RIMBP2: variants seen among roughly 807,000 people sequenced by gnomAD.
RIMBP2 encodes RIMS-binding protein 2.
A neutral mutation model predicts 118.6 loss-of-function variants in RIMBP2; 48 were observed. The ratio of observed to expected loss-of-function variants is 0.40; its 90% CI spans 0.32 to 0.51. The LOEUF is 0.51. Among genes scored for constraint, RIMBP2 ranks in the 20% least tolerant of loss-of-function variants. RIMBP2 has a pLI of 0.41. For missense variants in RIMBP2, 1,551 were observed against 1,768.3 expected (o/e 0.88, Z 2.20); for synonymous variants, 762 against 742.9 (o/e 1.03, Z -0.42).
intron 4 of RIMBP2, among the ~76,000 whole-genome samples, chr12:130,490,699 C>G (rs2048557667): frequency 6.6e-6 from 1 of 152,184 alleles, no homozygotes. Context: ...CAACCTTATT[C>G]AAGGAAAATA....
chr12:130,488,895 T>G lies in RIMBP2; in HGVS notation c.-3-9879A>C, dbSNP rs1277209419. Among the ~76,000 whole-genome samples, 2 of 152,174 alleles carry G rather than the reference T, an allele frequency of 1.3e-5. 1 individual carries two copies. Among genetic ancestry groups the G allele is most frequent in the Non-Finnish European group, 2.9e-5 (2 of 68,038 alleles). On this transcript the variant is annotated intron_variant, in intron 4 of 22. Transcript: ENST00000690449. Reference sequence around the variant, plus strand: ...TCCCTTCTAATCTGCAGAAATATATTGCTTCACCAGAGGCAGACAAATTAG... The same window carrying G: ...TCCCTTCTAATCTGCAGAAATATATGGCTTCACCAGAGGCAGACAAATTAG...
chr12:130,478,149 G>C (rs893425326), intron 5 of RIMBP2, among the ~76,000 whole-genome samples: 6 of 152,196 alleles, frequency 3.9e-5, no homozygotes, highest in African/African-American at 7.2e-5. Flanking sequence ...AGGTGCCCAG[G>C]AGGTAAAAAT....
intron 3 of RIMBP2, among the ~76,000 whole-genome samples, chr12:130,514,581 G>C (rs1336745692): frequency 2.0e-5 from 3 of 152,192 alleles, no homozygotes; most frequent in Non-Finnish European, 4.4e-5. Context: ...GTGTACACAT[G>C]CAGCTATTTT....
intron 1 of RIMBP2, among the ~76,000 whole-genome samples, chr12:130,645,041 T>C (rs1334201202): frequency 6.6e-6 from 1 of 152,188 alleles, no homozygotes; most frequent in Non-Finnish European, 1.5e-5. Flanking sequence ...TTGAAATCAG[T>C]TGTGGTTGGA....
At chr12:130,634,179 C>T (rs1182201901) in intron 1 of RIMBP2, among the ~76,000 whole-genome samples, 2 of 152,200 alleles carry the variant, frequency 1.3e-5, no homozygotes, top group African/African-American at 4.8e-5. Flanking sequence ...AATCTCCCCA[C>T]CCCTGATCAA....
chr12:130,439,704 TG>T (rs1431692363), intron 11 of RIMBP2, among the ~76,000 whole-genome samples: 8 of 114,844 alleles, frequency 7.0e-5, no homozygotes, highest in Non-Finnish European at 1.1e-4. Context: ...CGTGGGTCTG[TG>T]GGGGTGTCGG....
rs938957857 is a variant in RIMBP2, at chr12:130,617,909, C to T, written c.-217+10413G>A. On this transcript the variant is annotated intron_variant, in intron 2 of 22. Coordinates refer to ENST00000690449, the MANE Select transcript of RIMBP2 (RefSeq NM_001393629.1). This position sits in a 1 kb window ranked among gnomAD's most constrained non-coding sequence, Gnocchi z 4.6. ...GGGAGATTCTTAGAAACATCTAACT[C>T]GGCCGGGTGTGGTGGCCCACGCCTG... Among the ~76,000 whole-genome samples the T allele has an allele frequency of 1.3e-5, 2 of 151,452 alleles. No homozygotes were observed. The highest frequency in any genetic ancestry group is 4.9e-5 in the African/African-American group (2 of 41,204).
chr12:130,517,612 T>G (rs2051611725), intron 3 of RIMBP2, among the ~76,000 whole-genome samples: 1 of 151,900 alleles, frequency 6.6e-6, no homozygotes, highest in South Asian at 2.1e-4. Flanking sequence ...CTAATAGACT[T>G]CCAAGCAGAG....
intron 2 of RIMBP2, among the ~76,000 whole-genome samples, chr12:130,554,481 G>T (rs11060994): frequency 1.3e-5 from 2 of 152,106 alleles, no homozygotes; most frequent in African/African-American, 2.4e-5. Context: ...TACAATATAC[G>T]GCCCTCATAA....
intron 1 of RIMBP2, among the ~76,000 whole-genome samples, chr12:130,695,309 C>T (rs1440298003): frequency 1.3e-4 from 20 of 152,154 alleles, no homozygotes; most frequent in Non-Finnish European, 2.1e-4. Context: ...ACCACGTGGC[C>T]TCAGTCTCCC....
chr12:130,555,884 A>G, intron 2 of RIMBP2, among the ~76,000 whole-genome samples: 1 of 152,198 alleles, frequency 6.6e-6, no homozygotes. Flanking sequence ...ATAATCATGA[A>G]AGGCAGCCGT....
At chr12:130,698,421 C>G (rs1294843258) in intron 1 of RIMBP2, among the ~76,000 whole-genome samples, 1 of 152,188 alleles carries the variant, frequency 6.6e-6, no homozygotes, top group East Asian at 1.9e-4. Flanking sequence ...GACTCAGCCC[C>G]ACAAAATTCC....
chr12:130,556,981 C>A (rs926662362), intron 2 of RIMBP2, among the ~76,000 whole-genome samples: 6 of 152,050 alleles, frequency 3.9e-5, no homozygotes, highest in Non-Finnish European at 8.8e-5. Flanking sequence ...GTCCATGACC[C>A]CAAGTTCATA....
intron 1 of RIMBP2, among the ~76,000 whole-genome samples, chr12:130,655,577 A>C (rs542555049): frequency 6.6e-6 from 1 of 152,320 alleles, no homozygotes; most frequent in South Asian, 2.1e-4. Flanking sequence ...TTCTTTCTGA[A>C]CTAAAAATAT....
At chr12:130,492,896 G>A (rs79033518) in intron 4 of RIMBP2, among the ~76,000 whole-genome samples, 4 of 152,214 alleles carry the variant, frequency 2.6e-5, no homozygotes, top group African/African-American at 7.2e-5. Context: ...TTGGGAGGCC[G>A]AGGCGGGTGG....
At chr12:130,709,773 C>G (rs1266095262) in intron 1 of RIMBP2, among the ~76,000 whole-genome samples, 1 of 149,296 alleles carries the variant, frequency 6.7e-6, no homozygotes, top group Non-Finnish European at 1.5e-5. Context: ...ACATTCCCAT[C>G]GCGGACACAC....
intron 3 of RIMBP2, 35 bp downstream of exon 3, chr12:130,517,793 G>A: frequency 1.1e-5 from 10 of 914,844 alleles, no homozygotes; most frequent in Non-Finnish European, 1.3e-5. Context: ...TCCCTCCAGG[G>A]CCCCAGATGG....
chr12:130,400,899 T>TATCA (rs2074473899), intron 21 of RIMBP2, among the ~76,000 whole-genome samples: 1 of 152,138 alleles, frequency 6.6e-6, no homozygotes, highest in African/African-American at 2.4e-5. Flanking sequence ...CTCACACTAC[T>TATCA]ATCAAAAACA....
intron 21 of RIMBP2, among the ~76,000 whole-genome samples, chr12:130,405,151 C>T (rs2075038418): frequency 6.6e-6 from 1 of 152,116 alleles, no homozygotes; most frequent in African/African-American, 2.4e-5. Context: ...CATTTGACCG[C>T]ATGCAAACGT....
Sources: allele counts gnomAD v4.1 joint callset (sites outside exome capture counted in the v4.1 genomes callset), GRCh38; gene constraint gnomAD v4.1.1; non-coding constraint Gnocchi (gnomAD v3.1); transcripts MANE v1.5; gene names NCBI Gene and HGNC (gene_info 2026-07-23, HGNC 2026-07-21).